ABCB5: variants seen among roughly 807,000 people sequenced by gnomAD.
The protein encoded by ABCB5 is ATP-binding cassette sub-family B member 5.
Under a neutral mutation model 144.2 loss-of-function variants are expected in ABCB5, and 155 were observed. The ratio of observed to expected loss-of-function variants is 1.08; its 90% CI spans 0.94 to 1.23. The LOEUF (loss-of-function observed/expected upper bound fraction) is 1.23. Ranked by LOEUF, ABCB5 falls within the 50% of genes most tolerant of loss-of-function variation. The pLI, the probability that ABCB5 is intolerant of heterozygous loss-of-function variation, is 0.00. For missense variants in ABCB5, 1,830 were observed against 1,520.8 expected (o/e 1.20, Z -3.38); for synonymous variants, 610 against 528.6 (o/e 1.15, Z -2.11).
At position 20,745,524 on chromosome 7, in the gene ABCB5, T is replaced by C. The variant is rs1378572136; in HGVS notation, c.3429+86T>C. 1.0e-5 allele frequency: 12 copies of C among 1,171,880 alleles called. No homozygotes were observed. The African/African-American group carries it at 1.4e-4, about 14-fold the overall frequency. The allele number at this position is 1,171,880 out of a possible 1,614,324, so 72.6% of individuals were successfully genotyped here. Reference sequence around the variant, plus strand: ...GGCCTATGCAGTTGTTTTTATGTATTCCTTGGATTATACAATGTATTTATT... The same window carrying C: ...GGCCTATGCAGTTGTTTTTATGTATCCCTTGGATTATACAATGTATTTATT... On this transcript the variant is annotated intron_variant, in intron 26 of 27. Coordinates refer to ENST00000404938, the MANE Select transcript of ABCB5 (RefSeq NM_001163941.2).
chr7:20,668,657 G>C (rs1255989393), intron 14 of ABCB5, among the ~76,000 whole-genome samples: 2 of 142,644 alleles, frequency 1.4e-5, no homozygotes, highest in Admixed American at 6.9e-5. Context: ...TCCTCTGCCC[G>C]GCCGCCCCTA....
intron 5 of ABCB5, among the ~76,000 whole-genome samples, chr7:20,637,369 C>G (rs1784182362): frequency 6.6e-6 from 1 of 151,984 alleles, no homozygotes; most frequent in East Asian, 1.9e-4. Flanking sequence ...GCCAGGACTA[C>G]TGCTGGTCAA....
At chr7:20,742,772 C>G in intron 24 of ABCB5, 105 bp from the exon 25 acceptor site, 1 of 1,113,452 alleles carries the variant, frequency 9.0e-7, no homozygotes, top group Non-Finnish European at 1.3e-6. Flanking sequence ...ATTAAAAGGG[C>G]TCTGGAAACA....
In ABCB5 at chr7:20,621,585, T is replaced by C. The variant is rs543985458; in HGVS notation, c.-21-1680T>C. Among the ~76,000 whole-genome samples, 4 of 152,206 alleles carry C rather than the reference T, an allele frequency of 2.6e-5. No homozygotes were observed. The South Asian group carries it at 8.3e-4, about 32-fold the overall frequency. ...CTACAAACTAGTAGCTGGCACATCA[T>C]ATAAGCTCAATACTTTTTTCAATTC... On this transcript the variant is annotated intron_variant, in intron 1 of 27. Coordinates refer to ENST00000404938, the MANE Select transcript of ABCB5 (RefSeq NM_001163941.2).
At chr7:20,626,910 C>T (rs1455370970) in intron 3 of ABCB5, among the ~76,000 whole-genome samples, 1 of 147,122 alleles carries the variant, frequency 6.8e-6, no homozygotes, top group African/African-American at 2.5e-5. Flanking sequence ...ATAAATGTTA[C>T]CAAAGGATAT....
intron 23 of ABCB5, among the ~76,000 whole-genome samples, chr7:20,735,573 T>C (rs145457847): frequency 6.6e-6 from 1 of 152,228 alleles, no homozygotes; most frequent in East Asian, 1.9e-4. Context: ...TCCCCAGAGA[T>C]TATCCGGAAG....
At chr7:20,754,274 A>T (rs1393893597) in intron 27 of ABCB5, among the ~76,000 whole-genome samples, 1 of 152,206 alleles carries the variant, frequency 6.6e-6, no homozygotes, top group South Asian at 2.1e-4. Context: ...CCAGGCAGTT[A>T]ATCCACCCAT....
At chr7:20,708,132 G>A (rs759866969) in intron 20 of ABCB5, among the ~76,000 whole-genome samples, 4 of 152,064 alleles carry the variant, frequency 2.6e-5, no homozygotes, top group African/African-American at 7.2e-5. Context: ...TTAACTTTTT[G>A]ACATGGGAAG....
intron 5 of ABCB5, among the ~76,000 whole-genome samples, chr7:20,638,354 A>C (rs1012317952): frequency 1.1e-4 from 16 of 151,770 alleles, no homozygotes; most frequent in African/African-American, 3.9e-4. Flanking sequence ...TATTATTTTT[A>C]ATATCTTTGT....
chr7:20,620,375 C>T (rs1783782858), intron 1 of ABCB5, among the ~76,000 whole-genome samples: 1 of 151,962 alleles, frequency 6.6e-6, no homozygotes, highest in African/African-American at 2.4e-5. Context: ...CAAAAACACA[C>T]ACAAAAACAA....
chr7:20,632,069 G>C lies in ABCB5; in HGVS notation c.270G>C (p.Gln90His), dbSNP rs1220235150. The C allele has an allele frequency of 1.3e-6, 2 of 1,520,462 alleles. No individual in the cohort carries two copies. Among genetic ancestry groups the C allele is most frequent in the African/African-American group, 1.4e-5 (1 of 71,718 alleles). The allele number at this position is 1,520,462 out of a possible 1,614,324, so 94.2% of individuals were successfully genotyped here. A position where few individuals can be genotyped will look rare whatever the true frequency, so the allele number is the denominator to read the frequency against. Residue 90 changes from glutamine (Q) to histidine (H), a missense_variant, in exon 5 of 28, where the codon CAG becomes CAC. By Grantham distance (24) the Gln-to-His change is conservative (BLOSUM62 0). Transcript: ENST00000404938. ...CLVQTNTTNY[Q>H]NCTQSQEKLN... ...TAACCTTTTTTACAGCAAATTATCA[G>C]AACTGTACTCAGTCTCAAGAGAAGC...
At position 20,643,217 on chromosome 7, in the gene ABCB5, T is replaced by C. The variant is rs747180120; in HGVS notation, c.348T>C (p.Ala116=). 3 of 1,613,196 alleles carry C rather than the reference T, an allele frequency of 1.9e-6. No homozygotes were observed. The highest frequency in any genetic ancestry group is 2.5e-6 in the Non-Finnish European group (3 of 1,179,444). The part of the protein sequence containing the change: ...LTLYYVGIGV[A]ALIFGYIQIS... Reference sequence around the variant, plus strand: ...TGTATTATGTTGGAATAGGTGTTGCTGCCTTGATTTTTGGTTACATACAGA... The same window carrying C: ...TGTATTATGTTGGAATAGGTGTTGCCGCCTTGATTTTTGGTTACATACAGA... The change falls in exon 6 of 28, where the codon GCT becomes GCC. Residue 116 remains alanine, a synonymous_variant. Transcript: ENST00000404938.
chr7:20,649,547 T>C (rs1784515433), intron 11 of ABCB5, among the ~76,000 whole-genome samples: 1 of 152,202 alleles, frequency 6.6e-6, no homozygotes, highest in South Asian at 2.1e-4. Context: ...CCAAGGTTTC[T>C]AATGATAAAC....
intron 20 of ABCB5, among the ~76,000 whole-genome samples, chr7:20,705,308 C>T (rs1025853784): frequency 9.2e-5 from 14 of 151,962 alleles, no homozygotes; most frequent in Non-Finnish European, 1.5e-5. Context: ...ATATGCATAA[C>T]CAAGATATTT....
At chr7:20,630,756 A>G (rs1418219559) in intron 4 of ABCB5, among the ~76,000 whole-genome samples, 10 of 152,238 alleles carry the variant, frequency 6.6e-5, no homozygotes, top group Non-Finnish European at 1.3e-4. Context: ...GCTTGGGCGT[A>G]TGCTTTTTGT....
At chr7:20,690,870 AGAAG>A (rs1218166702) in intron 16 of ABCB5, among the ~76,000 whole-genome samples, 38 of 152,204 alleles carry the variant, frequency 2.5e-4, no homozygotes, top group African/African-American at 9.2e-4. Context: ...GTGGTACAGA[AGAAG>A]GAAGAGATCA....
Position 20,645,941 on chromosome 7 carries a change from T to G in ABCB5, c.804-20T>G. ...TTTATTTTCCCCAGTGGCTACTAAG[T>G]TGTGTTCTGTTTTTGTAAGGTATAC... On this transcript the variant is annotated intron_variant, in intron 8 of 27. Transcript: ENST00000404938. 6.2e-7 allele frequency: 1 copy of G among 1,612,696 alleles called. No individual in the cohort carries two copies. Among genetic ancestry groups the G allele is most frequent in the Non-Finnish European group, 8.5e-7 (1 of 1,179,394 alleles).
intron 23 of ABCB5, among the ~76,000 whole-genome samples, chr7:20,737,981 G>C (rs1282367356): frequency 6.6e-6 from 1 of 152,092 alleles, no homozygotes. Context: ...CAGGATTCAG[G>C]ATCTGAGGTC....
chr7:20,685,135 C>G (rs117493070), intron 15 of ABCB5, among the ~76,000 whole-genome samples: 1 of 152,094 alleles, frequency 6.6e-6, no homozygotes, highest in Non-Finnish European at 1.5e-5. Flanking sequence ...ACAGGGGTGA[C>G]GACTGCACCT....
Sources: gnomAD v4.1 joint callset for allele counts (sites outside exome capture counted in the v4.1 genomes callset) on GRCh38, gnomAD v4.1.1 for gene constraint, MANE v1.5 for transcripts, NCBI Gene and HGNC (gene_info 2026-07-23, HGNC 2026-07-21) for gene names.